Variants in SNX13 observed in about 807,000 individuals in gnomAD.
SNX13 encodes sorting nexin 13.
Under a neutral mutation model 133.6 loss-of-function variants are expected in SNX13, and 45 were observed. That is an observed-to-expected ratio of 0.34 (90% CI 0.27 to 0.43). The LOEUF (loss-of-function observed/expected upper bound fraction) is 0.43, where lower values mean the gene tolerates loss of function less well. SNX13 is among the 20% of genes least tolerant of loss of function. The pLI, the probability that SNX13 is intolerant of heterozygous loss-of-function variation, is 1.00. For synonymous variants in SNX13, 414 were observed against 373.9 expected, an observed-to-expected ratio of 1.11 and a Z score of -1.24; for missense variants, 1,032 against 1,145.1, an observed-to-expected ratio of 0.90 and a Z score of 1.43.
intron 22 of SNX13, among the ~76,000 whole-genome samples, chr7:17,800,995 C>G (rs1784546951): frequency 1.3e-5 from 1 of 75,332 alleles, no homozygotes; most frequent in Admixed American, 1.6e-4. Context: ...TTGGCAGTAT[C>G]TACTAAAACT....
intron 22 of SNX13, among the ~76,000 whole-genome samples, chr7:17,800,990 A>C (rs1784546219): frequency 7.1e-6 from 1 of 141,776 alleles, no homozygotes; most frequent in South Asian, 2.2e-4. Context: ...AGTACTTGGC[A>C]GTATCTACTA....
chr7:17,874,662 T>C (rs1257744338), intron 7 of SNX13, among the ~76,000 whole-genome samples: 1 of 152,236 alleles, frequency 6.6e-6, no homozygotes, highest in African/African-American at 2.4e-5. Flanking sequence ...AGGGCTTTTC[T>C]ATAGTTGTTC....
At chr7:17,923,259 A>C (rs1446250918) in intron 1 of SNX13, among the ~76,000 whole-genome samples, 1 of 152,258 alleles carries the variant, frequency 6.6e-6, no homozygotes. Flanking sequence ...AATCAGGAAA[A>C]ATAACTTACT....
At chr7:17,913,086 C>T (rs555451288) in intron 1 of SNX13, among the ~76,000 whole-genome samples, 45 of 152,244 alleles carry the variant, frequency 3.0e-4, no homozygotes, top group African/African-American at 1.1e-3. Context: ...TTCTGAGGAG[C>T]GGGAGGGAGG....
chr7:17,837,388 C>T (rs1336091857), intron 13 of SNX13, among the ~76,000 whole-genome samples: 2 of 152,028 alleles, frequency 1.3e-5, no homozygotes, highest in Non-Finnish European at 2.9e-5. Flanking sequence ...AATCCTCCCA[C>T]CTTGGGCTCC....
chr7:17,912,267 G>A (rs937278531), intron 1 of SNX13, among the ~76,000 whole-genome samples: 1 of 152,122 alleles, frequency 6.6e-6, no homozygotes, highest in African/African-American at 2.4e-5. Context: ...CTTTCCACTG[G>A]GGATCTGTGC....
chr7:17,882,940 G>A (rs1300389959), intron 5 of SNX13: 9 of 720,744 alleles, frequency 1.2e-5, no homozygotes, highest in Non-Finnish European at 1.8e-5. Context: ...GACAGGGCGA[G>A]ACTCTGTCTC....
intron 1 of SNX13, among the ~76,000 whole-genome samples, chr7:17,917,064 A>G (rs895947820): frequency 6.6e-6 from 1 of 152,172 alleles, no homozygotes; most frequent in Non-Finnish European, 1.5e-5. Flanking sequence ...AACAAAAACC[A>G]TATATGATCA....
intron 22 of SNX13, among the ~76,000 whole-genome samples, chr7:17,800,228 T>C (rs759372192): frequency 2.0e-5 from 3 of 151,752 alleles, no homozygotes; most frequent in East Asian, 1.9e-4. Context: ...ATAAACATAA[T>C]AAACATCCTA....
chr7:17,914,326 G>A (rs192525727), intron 1 of SNX13, among the ~76,000 whole-genome samples: 26 of 152,054 alleles, frequency 1.7e-4, no homozygotes, highest in African/African-American at 5.8e-4. Context: ...GAAATAATTC[G>A]GGAAAATTTC....
rs770283958 is a variant in SNX13 at position 17,796,812 on chromosome 7, T to C, written c.2626+15A>G. On this transcript the variant is annotated intron_variant, in intron 25 of 25. Transcript: ENST00000428135. ...GACAAATTATAAAGATTTTTAACTA[T>C]ACATGCTCACTCACCTGGCATAATT... 31 of 1,543,734 alleles carry C rather than the reference T, an allele frequency of 2.0e-5. No individual in the cohort carries two copies. Among genetic ancestry groups the C allele is most frequent in the Non-Finnish European group, 2.5e-5 (28 of 1,117,934 alleles).
chr7:17,798,177 G>C lies in SNX13; in HGVS notation c.2513+513C>G, dbSNP rs550062619. Among the ~76,000 whole-genome samples, 4 of 151,974 alleles carry C rather than the reference G, an allele frequency of 2.6e-5. No individual in the cohort carries two copies. In the South Asian group the frequency reaches 6.2e-4, roughly 24 times the overall value. ...GCATCTTATCTCAGCAATGGGCTGAGTGCTAGGCACAGAGGAGGCGCTCAG... is the reference window on the plus strand; with the variant it reads ...GCATCTTATCTCAGCAATGGGCTGACTGCTAGGCACAGAGGAGGCGCTCAG... On this transcript the variant is annotated intron_variant, in intron 24 of 25. Transcript: ENST00000428135.
At chr7:17,899,407 A>ACT (rs1294563840) in intron 1 of SNX13, 1 of 151,732 alleles carries the variant, frequency 6.6e-6, no homozygotes, top group East Asian at 1.9e-4. Context: ...TCTACGCCTA[A>ACT]CTCTCTCTCT....
rs923547756 is a variant in SNX13, at chr7:17,839,888, A to G, written c.1278T>C (p.Asp426=). Residue 426 remains aspartate, a synonymous_variant, in exon 13 of 26, where the codon GAT becomes GAC. Transcript: ENST00000428135. The part of the protein sequence containing the change: ...QLEVLLSRQR[D]GKHQTNQTKG... The stretch of plus-strand genomic sequence containing the variant: ...TGGTTTGGTTGGTTTGATGTTTTCC[A>G]TCTCTCTGACGACTTAATAAAACTT... 6.2e-7 allele frequency: 1 copy of G among 1,612,056 alleles called. No individual in the cohort carries two copies. The highest frequency in any genetic ancestry group is 2.2e-5 in the East Asian group (1 of 44,808).
At chr7:17,819,700 G>A (rs1176751760) in intron 18 of SNX13, among the ~76,000 whole-genome samples, 1 of 152,032 alleles carries the variant, frequency 6.6e-6, no homozygotes, top group Non-Finnish European at 1.5e-5. Context: ...TAAGGGATTT[G>A]AGTTTTTAAA....
intron 5 of SNX13, among the ~76,000 whole-genome samples, chr7:17,884,616 T>C (rs1795773690): frequency 6.6e-6 from 1 of 152,202 alleles, no homozygotes; most frequent in South Asian, 2.1e-4. Flanking sequence ...CCATGTTTTT[T>C]CCACACATTT....
Position 17,793,885 on chromosome 7 carries a change from T to C in SNX13, c.*160A>G, listed in dbSNP as rs1783779296. Reference sequence around the variant, plus strand: ...TCTCTTGGTAGTGGTGGATTATAGATGAGAATGAGAAGAACCACAGACTTA... The same window carrying C: ...TCTCTTGGTAGTGGTGGATTATAGACGAGAATGAGAAGAACCACAGACTTA... On this transcript the variant is annotated 3_prime_UTR_variant, in exon 26 of 26. Coordinates refer to ENST00000428135, the MANE Select transcript of SNX13 (RefSeq NM_015132.5). The C allele has an allele frequency of 1.4e-6, 1 of 714,758 alleles. No individual in the cohort carries two copies. Among genetic ancestry groups the C allele is most frequent in the African/African-American group, 1.8e-5 (1 of 55,280 alleles). 44.3% of individuals were successfully genotyped at this position (714,758 alleles called of 1,614,324 possible).
intron 11 of SNX13, among the ~76,000 whole-genome samples, chr7:17,849,405 G>A (rs919145993): frequency 1.3e-5 from 2 of 152,068 alleles, no homozygotes; most frequent in Non-Finnish European, 2.9e-5. Flanking sequence ...TAAATCAGGA[G>A]TATTGCAAAT....
At chr7:17,869,842 G>A (rs1452064149) in intron 8 of SNX13, among the ~76,000 whole-genome samples, 1 of 151,160 alleles carries the variant, frequency 6.6e-6, no homozygotes, top group Non-Finnish European at 1.5e-5. Flanking sequence ...ATTTTAAAAT[G>A]CACTTTGTTA....
Sources: gnomAD v4.1 joint callset for allele counts (sites outside exome capture counted in the v4.1 genomes callset) on GRCh38, gnomAD v4.1.1 for gene constraint, MANE v1.5 for transcripts, NCBI Gene and HGNC (gene_info 2026-07-23, HGNC 2026-07-21) for gene names.